Variants in EXOC4 observed in about 807,000 individuals in gnomAD.
EXOC4 encodes the protein exocyst complex component 4.
A neutral mutation model predicts 107.2 loss-of-function variants in EXOC4; 71 were observed. The ratio of observed to expected loss-of-function variants is 0.66; its 90% CI spans 0.55 to 0.81. EXOC4 has a LOEUF of 0.81. EXOC4 is among the 30% of genes least tolerant of loss of function. The pLI is 0.00. For missense variants in EXOC4, 1,108 were observed against 1,189.6 expected, an observed-to-expected ratio of 0.93 and a Z score of 1.01; for synonymous variants, 456 against 441.2, an observed-to-expected ratio of 1.03 and a Z score of -0.42.
intron 12 of EXOC4, among the ~76,000 whole-genome samples, chr7:133,903,462 C>CTTCTGG (rs1799500184): frequency 6.6e-6 from 1 of 152,168 alleles, no homozygotes; most frequent in South Asian, 2.1e-4. Flanking sequence ...GAAGGACCAG[C>CTTCTGG]CAGCTGAATT....
intron 9 of EXOC4, among the ~76,000 whole-genome samples, chr7:133,597,968 C>T (rs867999096): frequency 1.3e-5 from 2 of 151,204 alleles, no homozygotes; most frequent in South Asian, 4.2e-4. Context: ...TCCCAGGATC[C>T]GAGATGGCGC....
chr7:133,936,985 C>T (rs901786167), intron 13 of EXOC4, among the ~76,000 whole-genome samples: 2 of 152,124 alleles, frequency 1.3e-5, no homozygotes, highest in South Asian at 2.1e-4. Flanking sequence ...CTAATTTTAG[C>T]CCTCTTCCTT....
intron 10 of EXOC4, among the ~76,000 whole-genome samples, chr7:133,812,841 T>C (rs1797268088): frequency 2.6e-5 from 4 of 152,140 alleles, no homozygotes; most frequent in Admixed American, 2.0e-4. Flanking sequence ...TCTTGATCTC[T>C]TGAATTTACC....
At chr7:133,604,687 T>TTTCC (rs1335117999) in intron 9 of EXOC4, among the ~76,000 whole-genome samples, 73 of 148,336 alleles carry the variant, frequency 4.9e-4, no homozygotes, top group African/African-American at 1.5e-3. Context: ...TTTCTTTTTC[T>TTTCC]TTCCTTCCTT....
At chr7:133,823,468 G>A (rs1022266872) in intron 11 of EXOC4, among the ~76,000 whole-genome samples, 2 of 151,962 alleles carry the variant, frequency 1.3e-5, no homozygotes, top group Admixed American at 6.6e-5. Context: ...CTCTGTCCTT[G>A]ATCTTTCTAC....
At chr7:133,911,357 C>A (rs1799690547) in intron 12 of EXOC4, among the ~76,000 whole-genome samples, 1 of 152,086 alleles carries the variant, frequency 6.6e-6, no homozygotes. Context: ...GGTGGACTTG[C>A]CACTTGAGTA....
intron 9 of EXOC4, among the ~76,000 whole-genome samples, chr7:133,573,540 A>G (rs1045744679): frequency 6.6e-6 from 1 of 152,192 alleles, no homozygotes; most frequent in Non-Finnish European, 1.5e-5. Flanking sequence ...GTACCTGGAA[A>G]GCTGTGGTAA....
intron 7 of EXOC4, among the ~76,000 whole-genome samples, chr7:133,387,228 G>A (rs1469666918): frequency 6.6e-6 from 1 of 152,192 alleles, no homozygotes; most frequent in Admixed American, 6.5e-5. Flanking sequence ...AGGGGTTGAA[G>A]AGGTTTACAG....
At chr7:133,261,067 CTTT>C (rs922858576) in intron 1 of EXOC4, among the ~76,000 whole-genome samples, 3 of 152,046 alleles carry the variant, frequency 2.0e-5, no homozygotes, top group Admixed American at 2.0e-4. Context: ...AGCTTATCTT[CTTT>C]ATCTGGAAGT....
chr7:133,541,399 C>T (rs1166927253), intron 9 of EXOC4, among the ~76,000 whole-genome samples: 9 of 152,168 alleles, frequency 5.9e-5, no homozygotes, highest in East Asian at 3.8e-4. Context: ...TTGGGAATAA[C>T]GATGCATGAT....
At chr7:133,291,187 A>G (rs1287384179) in intron 3 of EXOC4, among the ~76,000 whole-genome samples, 1 of 152,106 alleles carries the variant, frequency 6.6e-6, no homozygotes, top group East Asian at 1.9e-4. Flanking sequence ...TTTGTAAGAC[A>G]CATTTTCCGG....
chr7:133,648,311 G>T (rs896640078), intron 10 of EXOC4, among the ~76,000 whole-genome samples: 1 of 152,182 alleles, frequency 6.6e-6, no homozygotes, highest in Non-Finnish European at 1.5e-5. Flanking sequence ...CTCACATGCT[G>T]CCTACAGGAC....
rs917989746 is a variant in EXOC4, at chr7:133,386,610, A to G, written c.1182+11608A>G. Among the ~76,000 whole-genome samples, 5 of 152,232 alleles carry G rather than the reference A, an allele frequency of 3.3e-5. 1 individual carries two copies. The highest frequency in any genetic ancestry group is 5.9e-5 in the Non-Finnish European group (4 of 68,040). On this transcript the variant is annotated intron_variant, in intron 7 of 17. Transcript: ENST00000253861. ...AGGCTGGAATATAGAATGGAGGGAT[A>G]TTACTGATACGTGTACCATAACGTG...
intron 9 of EXOC4, among the ~76,000 whole-genome samples, chr7:133,493,906 A>C (rs1220579996): frequency 6.6e-6 from 1 of 152,192 alleles, no homozygotes; most frequent in Non-Finnish European, 1.5e-5. Flanking sequence ...ATTTTTCTTC[A>C]AAACCATTTG....
At chr7:133,645,614 AT>A (rs1306933227) in intron 10 of EXOC4, among the ~76,000 whole-genome samples, 7 of 152,000 alleles carry the variant, frequency 4.6e-5, no homozygotes, top group Non-Finnish European at 8.8e-5. Flanking sequence ...TGGTAATGTG[AT>A]TTTTTTATGG....
chr7:133,819,399 A>T (rs2151218681), intron 11 of EXOC4, among the ~76,000 whole-genome samples: 1 of 150,944 alleles, frequency 6.6e-6, no homozygotes, highest in East Asian at 2.0e-4. Context: ...GCTAACTTGT[A>T]TATTTTCTAT....
the EXOC4 span, among the ~76,000 whole-genome samples, chr7:134,076,197 T>A: frequency 6.6e-6 from 1 of 152,158 alleles, no homozygotes; most frequent in African/African-American, 2.4e-5. Flanking sequence ...CAACAAGTCC[T>A]CAGTCAGTAC....
intron 13 of EXOC4, among the ~76,000 whole-genome samples, chr7:133,927,258 C>A (rs1275257488): frequency 1.3e-5 from 2 of 152,124 alleles, no homozygotes; most frequent in African/African-American, 4.8e-5. Flanking sequence ...CCATCATTAA[C>A]TAGTTTGTTT....
chr7:134,026,754 ATGT>A (rs1205277522), intron 17 of EXOC4, among the ~76,000 whole-genome samples: 1 of 152,164 alleles, frequency 6.6e-6, no homozygotes, highest in Non-Finnish European at 1.5e-5. Context: ...GTTAGAGAAA[ATGT>A]TGTAGAAGCA....
Sources: allele counts gnomAD v4.1 joint callset (sites outside exome capture counted in the v4.1 genomes callset), GRCh38; gene constraint gnomAD v4.1.1; transcripts MANE v1.5; gene names NCBI Gene and HGNC (gene_info 2026-07-23, HGNC 2026-07-21).